SBNO1: variants seen among roughly 807,000 people sequenced by gnomAD.
The protein encoded by SBNO1 is strawberry notch homolog 1.
Under a neutral mutation model 173.6 loss-of-function variants are expected in SBNO1, and 23 were observed. The ratio of observed to expected loss-of-function variants is 0.13; its 90% CI spans 0.10 to 0.19. The LOEUF (loss-of-function observed/expected upper bound fraction) is 0.19, where lower values mean the gene tolerates loss of function less well. Ranked by LOEUF, SBNO1 falls within the 10% of genes least tolerant of loss-of-function variation. The pLI is 1.00. For missense variants in SBNO1, 1,238 were observed against 1,671.2 expected, an observed-to-expected ratio of 0.74 and a Z score of 4.52; for synonymous variants, 632 against 571.5, an observed-to-expected ratio of 1.11 and a Z score of -1.51.
At chr12:123,326,095 C>T (rs1870587868) in intron 14 of SBNO1, 57 bp downstream of exon 14, 1 of 1,218,182 alleles carries the variant, frequency 8.2e-7, no homozygotes, top group African/African-American at 1.9e-5. Context: ...CCTCAGCACC[C>T]ACAAAGACTA....
At position 123,334,062 on chromosome 12, in the gene SBNO1, A is replaced by G. The variant is rs377471035; in HGVS notation, c.900T>C (p.Tyr300=). 1.5e-4 allele frequency: 244 copies of G among 1,582,608 alleles called. No homozygotes were observed. The highest frequency in any genetic ancestry group is 5.0e-4 in the Middle Eastern group (3 of 6,000). The change falls in exon 7 of 32, where the codon TAT becomes TAC. Residue 300 remains tyrosine, a synonymous_variant. Coordinates refer to ENST00000602398, the MANE Select transcript of SBNO1 (RefSeq NM_001167856.3). ...AAATATTATTGCTTACCTGGGCTGC[A>G]TATGTAATTGCCTCAAGCTGCAATG... ...LSALQLEAIT[Y]AAQQHETFLP... is the part of the protein sequence containing the mutation.
chr12:123,311,360 AT>A (rs1468597427), intron 24 of SBNO1, among the ~76,000 whole-genome samples: 1 of 152,176 alleles, frequency 6.6e-6, no homozygotes, highest in Non-Finnish European at 1.5e-5. Flanking sequence ...AACTCTCTTC[AT>A]TATACATGTT....
chr12:123,312,807 C>G (rs2138932683), intron 24 of SBNO1, among the ~76,000 whole-genome samples: 1 of 152,198 alleles, frequency 6.6e-6, no homozygotes, highest in East Asian at 1.9e-4. Context: ...ACTGTGAATT[C>G]ATGGCCAATT....
At chr12:123,350,590 A>G (rs540483990) in intron 1 of SBNO1, 149 bp from the exon 2 acceptor site, 2 of 681,544 alleles carry the variant, frequency 2.9e-6, no homozygotes, top group East Asian at 2.6e-5. Flanking sequence ...AAAGAGGATA[A>G]AAGAGAAATA....
At chr12:123,346,715 T>C (rs1873193593) in intron 3 of SBNO1, among the ~76,000 whole-genome samples, 1 of 151,780 alleles carries the variant, frequency 6.6e-6, no homozygotes, top group Non-Finnish European at 1.5e-5. Flanking sequence ...ATTTACAACT[T>C]TTTTCAATAT....
chr12:123,349,550 T>A (rs1354505796), intron 2 of SBNO1, among the ~76,000 whole-genome samples: 1 of 129,244 alleles, frequency 7.7e-6, no homozygotes, highest in African/African-American at 4.5e-5. Flanking sequence ...TATAATAACA[T>A]CAAAGCAGAA....
Position 123,364,787 on chromosome 12 carries a change from T to C in SBNO1, c.-87A>G, listed in dbSNP as rs1875959628. 6 of 986,826 alleles carry C rather than the reference T, an allele frequency of 6.1e-6. No homozygotes were observed. The highest frequency in any genetic ancestry group is 6.0e-6 in the Non-Finnish European group (5 of 831,596). The allele number at this position is 986,826 out of a possible 1,614,324, so 61.1% of individuals were successfully genotyped here. A position where few individuals can be genotyped will look rare whatever the true frequency, so the allele number is the denominator to read the frequency against. On this transcript the variant is annotated 5_prime_UTR_variant, in exon 1 of 32. Transcript: ENST00000602398. ...GAGGCGACTGGAGCGGAGGCGGCGG[T>C]GGCGGCGGCAGCAGCGGCGTCCTGC...
chr12:123,345,398 G>C lies in SBNO1; in HGVS notation c.410C>G (p.Pro137Arg). 1.2e-6 allele frequency: 2 copies of C among 1,614,134 alleles called. No homozygotes were observed. The highest frequency in any genetic ancestry group is 1.7e-6 in the Non-Finnish European group (2 of 1,180,036). ...AGAGGTCATGGCATTTCGTACTGTT[G>C]GTGCTGAGACTGACGGGCGTGTGCT... Reference protein sequence around the residue: ...TASTRPSVSAPTVRNAMTSAP... With the variant: ...TASTRPSVSARTVRNAMTSAP... Residue 137 changes from proline to arginine, a missense_variant, in exon 4 of 32, where the codon CCA (proline) becomes CGA (arginine). Pro to Arg is a moderately radical substitution (Grantham distance 103). Around this residue, in one of 14 missense-constraint regions of SBNO1, gnomAD observed 287 missense variants for 274.1 expected, o/e 1.05. Coordinates refer to ENST00000602398, the MANE Select transcript of SBNO1 (RefSeq NM_001167856.3).
At chr12:123,340,072 T>C (rs1334195768) in intron 5 of SBNO1, among the ~76,000 whole-genome samples, 1 of 152,182 alleles carries the variant, frequency 6.6e-6, no homozygotes, top group Non-Finnish European at 1.5e-5. Flanking sequence ...TAACCTTTAT[T>C]GTGAGTAGCA....
intron 5 of SBNO1, among the ~76,000 whole-genome samples, chr12:123,340,602 AAAAG>A (rs1872434807): frequency 1.3e-5 from 2 of 151,298 alleles, no homozygotes; most frequent in Non-Finnish European, 2.9e-5. Flanking sequence ...AAAAAAAAAA[AAAAG>A]AATCACTCAT....
chr12:123,352,244 T>C (rs936092889), intron 1 of SBNO1, among the ~76,000 whole-genome samples: 1 of 152,254 alleles, frequency 6.6e-6, no homozygotes, highest in African/African-American at 2.4e-5. Flanking sequence ...GCTAGTCCAT[T>C]TGTTCTCAGA....
At chr12:123,338,593 G>A (rs1043873500) in intron 5 of SBNO1, among the ~76,000 whole-genome samples, 1 of 152,206 alleles carries the variant, frequency 6.6e-6, no homozygotes, top group Non-Finnish European at 1.5e-5. Flanking sequence ...GGCTGAGGAA[G>A]AGAATTGCTT....
intron 1 of SBNO1, among the ~76,000 whole-genome samples, chr12:123,359,286 T>G (rs573688277): frequency 4.9e-4 from 73 of 148,706 alleles, no homozygotes; most frequent in South Asian, 3.0e-3. Flanking sequence ...GGTGGCTCAC[T>G]CCTGTAATCC....
rs375593263 is a variant in SBNO1 at position 123,298,696 on chromosome 12, C to T, written c.3846-525G>A. 1.2e-3 allele frequency among the ~76,000 whole-genome samples: 178 copies of T among 152,326 alleles called. 1 individual carries two copies. The Middle Eastern group carries it at 0.02, about 17-fold the overall frequency. ...AACCACGATTTTTTCAGGGGCCTGCCTCCCAATAAAAAGGGTTGAATTTAT... is the reference window on the plus strand; with the variant it reads ...AACCACGATTTTTTCAGGGGCCTGCTTCCCAATAAAAAGGGTTGAATTTAT... On this transcript the variant is annotated intron_variant, in intron 30 of 31. Transcript: ENST00000602398.
chr12:123,361,181 T>C (rs868436967), intron 1 of SBNO1, among the ~76,000 whole-genome samples: 1 of 150,718 alleles, frequency 6.6e-6, no homozygotes, highest in Non-Finnish European at 1.5e-5. Flanking sequence ...GAGGTGGAGG[T>C]TGCAGTGAGC....
chr12:123,337,867 A>G (rs1424995391), intron 5 of SBNO1, among the ~76,000 whole-genome samples: 2 of 152,178 alleles, frequency 1.3e-5, no homozygotes, highest in African/African-American at 4.8e-5. Context: ...TTCTCCCTCC[A>G]TCCTTTATTC....
chr12:123,342,241 ACT>A (rs1373373205), intron 4 of SBNO1, among the ~76,000 whole-genome samples: 1 of 151,298 alleles, frequency 6.6e-6, no homozygotes, highest in Non-Finnish European at 1.5e-5. Flanking sequence ...CAAGAGTAAA[ACT>A]CTGTCTCAAA....
intron 4 of SBNO1, among the ~76,000 whole-genome samples, chr12:123,341,772 C>T (rs1188630966): frequency 6.6e-6 from 1 of 151,916 alleles, no homozygotes; most frequent in Non-Finnish European, 1.5e-5. Context: ...AGGTGATCTG[C>T]CCACTTTGGC....
At chr12:123,300,912 T>C (rs1343924967) in intron 30 of SBNO1, among the ~76,000 whole-genome samples, 3 of 146,690 alleles carry the variant, frequency 2.0e-5, no homozygotes, top group Non-Finnish European at 4.5e-5. Flanking sequence ...TGAGCTGAGA[T>C]CGTGCCACTG....
Sources: gnomAD v4.1 joint callset for allele counts (sites outside exome capture counted in the v4.1 genomes callset) on GRCh38, gnomAD v4.1.1 for gene constraint, gnomAD v4.1.1 regional missense constraint, MANE v1.5 for transcripts, NCBI Gene and HGNC (gene_info 2026-07-23, HGNC 2026-07-21) for gene names.